Variants in KAZN observed in about 807,000 individuals in gnomAD.
The protein encoded by KAZN is kazrin, periplakin interacting protein.
KAZN carries 40 observed loss-of-function variants against 87.4 expected under a neutral mutation model. That is an observed-to-expected ratio of 0.46 (90% CI 0.36 to 0.60). The LOEUF (loss-of-function observed/expected upper bound fraction) is 0.60. Ranked by LOEUF, KAZN falls within the 20% of genes least tolerant of loss-of-function variation. The pLI is 0.00. For missense variants in KAZN, 898 were observed against 1,073.9 expected, an observed-to-expected ratio of 0.84 and a Z score of 2.29; for synonymous variants, 466 against 458.3, an observed-to-expected ratio of 1.02 and a Z score of -0.22.
intron 1 of KAZN, among the ~76,000 whole-genome samples, chr1:14,056,853 C>G (rs1362258443): frequency 6.6e-6 from 1 of 151,970 alleles, no homozygotes; most frequent in African/African-American, 2.4e-5. Flanking sequence ...CAAATGTAGA[C>G]AACAAACAAA....
chr1:14,660,986 G>A (rs190025720), intron 1 of KAZN, among the ~76,000 whole-genome samples: 6 of 152,222 alleles, frequency 3.9e-5, no homozygotes, highest in Admixed American at 3.3e-4. Flanking sequence ...ATCTGAAGTC[G>A]CAGAATAACG....
intron 1 of KAZN, among the ~76,000 whole-genome samples, chr1:14,940,938 C>T (rs1373466520): frequency 1.6e-5 from 2 of 121,390 alleles, no homozygotes; most frequent in African/African-American, 6.4e-5. Context: ...TTCTGAGAGA[C>T]GCAGCCTTGC....
chr1:14,145,835 C>T (rs1645337273), intron 1 of KAZN, among the ~76,000 whole-genome samples: 1 of 152,216 alleles, frequency 6.6e-6, no homozygotes, highest in Admixed American at 6.5e-5. Context: ...CTTGCCTTGG[C>T]GTCCCAAAGT....
intron 1 of KAZN, chr1:14,924,065 G>A (rs1194618650): frequency 5.4e-6 from 5 of 925,288 alleles, no homozygotes; most frequent in Non-Finnish European, 5.2e-6. Context: ...GGGCGGGGCG[G>A]GGGCGGGGCG....
chr1:14,802,984 A>G (rs1646088677), intron 1 of KAZN, among the ~76,000 whole-genome samples: 1 of 152,170 alleles, frequency 6.6e-6, no homozygotes, highest in South Asian at 2.1e-4. Context: ...CATCGCAAAC[A>G]TGGAAATATT....
chr1:14,957,860 G>A (rs1388157127), intron 1 of KAZN, among the ~76,000 whole-genome samples: 1 of 152,206 alleles, frequency 6.6e-6, no homozygotes, highest in Non-Finnish European at 1.5e-5. Flanking sequence ...GATGTGCCTT[G>A]CACCTCAGAG....
intron 2 of KAZN, among the ~76,000 whole-genome samples, chr1:14,281,970 GCC>G (rs1652871781): frequency 6.6e-6 from 1 of 152,018 alleles, no homozygotes; most frequent in African/African-American, 2.4e-5. Context: ...CAATATCCCA[GCC>G]CCCCAGCTCC....
chr1:15,032,354 G>A (rs1300325419), intron 2 of KAZN, among the ~76,000 whole-genome samples: 3 of 151,406 alleles, frequency 2.0e-5, no homozygotes, highest in South Asian at 2.1e-4. Flanking sequence ...CACTACGCCC[G>A]GCTAACTTTT....
intron 1 of KAZN, among the ~76,000 whole-genome samples, chr1:14,029,886 T>C (rs1192386285): frequency 1.3e-5 from 2 of 152,224 alleles, no homozygotes; most frequent in Non-Finnish European, 2.9e-5. Flanking sequence ...AGCCTTGTAG[T>C]ATAGTTTGAA....
At chr1:14,710,010 C>T (rs1225099412) in intron 1 of KAZN, among the ~76,000 whole-genome samples, 1 of 152,164 alleles carries the variant, frequency 6.6e-6, no homozygotes, top group Admixed American at 6.5e-5. Context: ...GATCACGTGT[C>T]ATACGCCGTC....
intron 2 of KAZN, among the ~76,000 whole-genome samples, chr1:14,338,727 C>A (rs1288333588): frequency 1.3e-5 from 2 of 152,192 alleles, no homozygotes; most frequent in African/African-American, 4.8e-5. Flanking sequence ...GGGTAGGAAG[C>A]ACCAAGGTCT....
chr1:14,798,924 C>T (rs749418420), intron 1 of KAZN, among the ~76,000 whole-genome samples: 1 of 151,472 alleles, frequency 6.6e-6, no homozygotes, highest in Admixed American at 6.7e-5. Context: ...CCACGCCCAG[C>T]CAATTATTTG....
rs1051657049 is a variant in KAZN at position 14,916,368 on chromosome 1, C to T, written c.227-44316C>T. ...TATTTTTAGTAGAGATGGGGTTTCACCATGTTGGCCAGGCTGATCTTGACC... is the reference window on the plus strand; with the variant it reads ...TATTTTTAGTAGAGATGGGGTTTCATCATGTTGGCCAGGCTGATCTTGACC... On this transcript the variant is annotated intron_variant, in intron 1 of 14. Coordinates refer to ENST00000376030, the MANE Select transcript of KAZN (RefSeq NM_201628.3). 1.3e-4 allele frequency among the ~76,000 whole-genome samples: 20 copies of T among 152,116 alleles called. 1 individual carries two copies. Among genetic ancestry groups the T allele is most frequent in the Admixed American group, 1.2e-3 (18 of 15,288 alleles).
At chr1:14,590,282 C>G (rs1676114990) in intron 2 of KAZN, among the ~76,000 whole-genome samples, 1 of 152,112 alleles carries the variant, frequency 6.6e-6, no homozygotes, top group South Asian at 2.1e-4. Flanking sequence ...TCCCCAGGGC[C>G]TGGAATAACA....
chr1:13,909,966 G>C (rs185775891), intron 1 of KAZN, among the ~76,000 whole-genome samples: 165 of 152,250 alleles, frequency 1.1e-3, no homozygotes, highest in African/African-American at 3.8e-3. Context: ...AGTGGAGAAG[G>C]CTGATTAGGA....
chr1:14,827,334 G>T (rs892694391), intron 1 of KAZN, among the ~76,000 whole-genome samples: 3 of 152,124 alleles, frequency 2.0e-5, no homozygotes, highest in African/African-American at 7.2e-5. Context: ...GTGGTGATTT[G>T]TGAGATTTTG....
At chr1:14,430,423 A>G (rs1665988130) in intron 2 of KAZN, among the ~76,000 whole-genome samples, 1 of 152,190 alleles carries the variant, frequency 6.6e-6, no homozygotes, top group African/African-American at 2.4e-5. Context: ...TTATCGAAAG[A>G]AATTAGCCAA....
chr1:14,707,691 T>C (rs1642281274), intron 1 of KAZN, among the ~76,000 whole-genome samples: 1 of 152,206 alleles, frequency 6.6e-6, no homozygotes, highest in Non-Finnish European at 1.5e-5. Context: ...GCTCTGCATA[T>C]TTGTTTGTTT....
chr1:14,020,615 A>G (rs1640779943), intron 1 of KAZN, among the ~76,000 whole-genome samples: 1 of 152,228 alleles, frequency 6.6e-6, no homozygotes, highest in Non-Finnish European at 1.5e-5. Flanking sequence ...CTGGATATGC[A>G]TGATAAGTGT....
Sources: allele counts gnomAD v4.1 joint callset (sites outside exome capture counted in the v4.1 genomes callset), GRCh38; gene constraint gnomAD v4.1.1; transcripts MANE v1.5; gene names NCBI Gene and HGNC (gene_info 2026-07-23, HGNC 2026-07-21).